The following AK7 variants were observed in gnomAD, a reference collection of about 807,000 sequenced individuals.
AK7 encodes the protein adenylate kinase 7.
AK7 carries 78 observed loss-of-function variants against 96.6 expected under a neutral mutation model. The ratio of observed to expected loss-of-function variants is 0.81; its 90% confidence interval spans 0.67 to 0.97. AK7 has a LOEUF of 0.97. Among genes scored for constraint, AK7 ranks in the 50% least tolerant of loss-of-function variants. The pLI is 0.00. For synonymous variants in AK7, 302 were observed against 317.2 expected (o/e 0.95, Z 0.51); for missense variants, 855 against 887.9 (o/e 0.96, Z 0.47).
chr14:96,394,772 T>C (rs1164744326), intron 1 of AK7, among the ~76,000 whole-genome samples: 1 of 152,208 alleles, frequency 6.6e-6, no homozygotes, highest in Non-Finnish European at 1.5e-5. Context: ...GGTCAGGAGT[T>C]CGAGACTAGC....
At chr14:96,424,071 T>C in intron 5 of AK7, 2 of 715,282 alleles carry the variant, frequency 2.8e-6, no homozygotes, top group South Asian at 2.8e-5. Flanking sequence ...TGCTGGTGGG[T>C]CTGTTCTTCA....
chr14:96,419,746 A>G (rs1188113759), intron 4 of AK7, among the ~76,000 whole-genome samples: 1 of 150,630 alleles, frequency 6.6e-6, no homozygotes, highest in Non-Finnish European at 1.5e-5. Context: ...TTAAATTTAA[A>G]TTATAAAATT....
At chr14:96,401,924 G>T (rs149128110) in intron 2 of AK7, among the ~76,000 whole-genome samples, 203 of 152,196 alleles carry the variant, frequency 1.3e-3, no homozygotes, top group African/African-American at 4.5e-3. Context: ...CCACATTTGG[G>T]TCTTCTGTGT....
In AK7 at chr14:96,446,556, C is replaced by T. The variant is rs2140101535; in HGVS notation, c.819C>T (p.His273=). 6.2e-7 allele frequency: 1 copy of T among 1,614,180 alleles called. No homozygotes were observed. Among genetic ancestry groups the T allele is most frequent in the Admixed American group, 1.7e-5 (1 of 60,016 alleles). The change falls in exon 8 of 18, where the codon CAC becomes CAT. Residue 273 remains histidine, a synonymous_variant. Transcript: ENST00000267584. Reference sequence around the variant, plus strand: ...TCATAGATCACGTGCCAAAGCCTCACTACCTGGTTGCTGTGGATGAGTCTG... The same window carrying T: ...TCATAGATCACGTGCCAAAGCCTCATTACCTGGTTGCTGTGGATGAGTCTG... ...QNVIDHVPKP[H]YLVAVDESVH... is the part of the protein sequence containing the mutation.
At chr14:96,393,175 T>G (rs1280922848) in intron 1 of AK7, among the ~76,000 whole-genome samples, 1 of 152,144 alleles carries the variant, frequency 6.6e-6, no homozygotes, top group Non-Finnish European at 1.5e-5. Context: ...TGATCAGTTG[T>G]CAAAAGAAAG....
chr14:96,446,142 C>T (rs1314760869), intron 7 of AK7, among the ~76,000 whole-genome samples: 2 of 151,424 alleles, frequency 1.3e-5, no homozygotes, highest in African/African-American at 4.9e-5. Context: ...ACACGAGCCC[C>T]TAGATGGGGA....
In AK7 at chr14:96,478,478, A is replaced by C; in HGVS notation, c.1569A>C (p.Ala523=). The C allele has an allele frequency of 6.2e-7, 1 of 1,614,140 alleles. No homozygotes were observed. The highest frequency in any genetic ancestry group is 1.1e-5 in the South Asian group (1 of 91,074). Residue 523 remains alanine, a synonymous_variant, in exon 15 of 18, where the codon GCA becomes GCC. Transcript: ENST00000267584. ...CCTTCTCCCCAGAATTCGTTTGTGC[A>C]CTGGATGCTTCGGATGAGTTTCTGA... ...DKLIIPEFVC[A]LDASDEFLKE...
At chr14:96,411,278 G>A (rs1312130306) in intron 4 of AK7, among the ~76,000 whole-genome samples, 5 of 152,212 alleles carry the variant, frequency 3.3e-5, no homozygotes, top group Non-Finnish European at 5.9e-5. Context: ...GGAAGGCCAA[G>A]GCAGGCGGAT....
At chr14:96,471,038 A>G (rs1894855449) in intron 12 of AK7, among the ~76,000 whole-genome samples, 1 of 152,228 alleles carries the variant, frequency 6.6e-6, no homozygotes, top group Non-Finnish European at 1.5e-5. Flanking sequence ...TGTTCAAAGT[A>G]CAAAATCACA....
At chr14:96,433,029 C>T (rs577248669) in intron 5 of AK7, among the ~76,000 whole-genome samples, 8 of 152,188 alleles carry the variant, frequency 5.3e-5, no homozygotes, top group Non-Finnish European at 7.4e-5. Context: ...GAGTTTCTGC[C>T]GAGAGGTCTG....
In AK7 at chr14:96,392,130, C is replaced by T. The variant is rs533020457; in HGVS notation, c.-25C>T. The T allele has an allele frequency of 4.4e-6, 7 of 1,594,098 alleles. No homozygotes were observed. Among genetic ancestry groups the T allele is most frequent in the African/African-American group, 4.0e-5 (3 of 74,528 alleles). On this transcript the variant is annotated 5_prime_UTR_variant, in exon 1 of 18. Transcript: ENST00000267584. The stretch of plus-strand genomic sequence containing the variant: ...CTTGGCAAGCGAGTGGCGCTTTCAC[C>T]TTAGCAACCAGCGCGGCTCCCACCA...
intron 10 of AK7, among the ~76,000 whole-genome samples, chr14:96,453,944 C>T (rs1473831980): frequency 6.6e-6 from 1 of 152,132 alleles, no homozygotes; most frequent in Non-Finnish European, 1.5e-5. Flanking sequence ...GACTCAGTTC[C>T]AGAACTGCTT....
chr14:96,426,893 G>A (rs1892057793), intron 5 of AK7, among the ~76,000 whole-genome samples: 1 of 152,126 alleles, frequency 6.6e-6, no homozygotes, highest in African/African-American at 2.4e-5. Flanking sequence ...GTTGTCTTGT[G>A]TATTAGTCCA....
rs1891648835 is a variant in AK7, at chr14:96,420,915, C to G, written c.592C>G (p.Leu198Val). 5 of 1,609,518 alleles carry G rather than the reference C, an allele frequency of 3.1e-6. No homozygotes were observed. The East Asian group carries it at 1.1e-4, about 36-fold the overall frequency. Residue 198 changes from leucine to valine, a missense_variant, in exon 5 of 18, where the codon CTC becomes GTC. Transcript: ENST00000267584. ...LDHINAEKMV[L>V]KFGKKARKFA... ...CCACATAAATGCTGAAAAAATGGTT[C>G]TCAAATTTGGAAAAAAGGTAAGTCT...
At chr14:96,463,167 C>A (rs920989361) in intron 12 of AK7, among the ~76,000 whole-genome samples, 2 of 143,642 alleles carry the variant, frequency 1.4e-5, no homozygotes, top group Non-Finnish European at 1.6e-5. Context: ...AACAAACAAA[C>A]AAAAAACCAG....
At chr14:96,442,374 T>C (rs1467080764) in intron 6 of AK7, among the ~76,000 whole-genome samples, 1 of 152,246 alleles carries the variant, frequency 6.6e-6, no homozygotes, top group Non-Finnish European at 1.5e-5. Flanking sequence ...ATTTCTTCTC[T>C]ATGTGAATGC....
At chr14:96,411,322 C>T (rs1038641478) in intron 4 of AK7, among the ~76,000 whole-genome samples, 2 of 152,128 alleles carry the variant, frequency 1.3e-5, no homozygotes, top group Non-Finnish European at 2.9e-5. Flanking sequence ...GCAGCCTGGT[C>T]AACATGGTGA....
intron 15 of AK7, among the ~76,000 whole-genome samples, chr14:96,479,329 G>A (rs1479502934): frequency 6.6e-6 from 1 of 151,572 alleles, no homozygotes. Flanking sequence ...TGCCCGCCTC[G>A]GCCTCCCAAA....
intron 15 of AK7, 83 bp downstream of exon 15, chr14:96,478,745 G>T (rs73351158): frequency 1.4e-4 from 196 of 1,388,014 alleles, no homozygotes; most frequent in Non-Finnish European, 1.6e-4. Flanking sequence ...TTGTGGGGCT[G>T]GGGGGAGGGT....
Sources: gnomAD v4.1 joint callset for allele counts (sites outside exome capture counted in the v4.1 genomes callset) on GRCh38, gnomAD v4.1.1 for gene constraint, MANE v1.5 for transcripts, NCBI Gene and HGNC (gene_info 2026-07-23, HGNC 2026-07-21) for gene names.